The following RANBP2 variants were observed in gnomAD, a reference collection of about 807,000 sequenced individuals.
RANBP2 encodes the protein E3 SUMO-protein ligase RanBP2.
In RANBP2, 57 loss-of-function variants were observed where a neutral mutation model predicts 303.6. That is an observed-to-expected ratio of 0.19 (90% CI 0.15 to 0.23). RANBP2 has a LOEUF of 0.23. Among genes scored for constraint, RANBP2 ranks in the 10% least tolerant of loss-of-function variants. The pLI is 1.00. For missense variants in RANBP2, 3,138 were observed against 3,780.8 expected (o/e 0.83, Z 4.46); for synonymous variants, 1,167 against 1,301.5 (o/e 0.90, Z 2.23).
chr2:109,279,138 A>G, the RANBP2 span, among the ~76,000 whole-genome samples: 5 of 152,090 alleles, frequency 3.3e-5, no homozygotes, highest in African/African-American at 1.2e-4. Flanking sequence ...CATCCATGGG[A>G]TATTGAGTAG....
At chr2:108,890,025 C>T in the RANBP2 span, among the ~76,000 whole-genome samples, 23 of 151,934 alleles carry the variant, frequency 1.5e-4, no homozygotes, top group African/African-American at 2.2e-4. Flanking sequence ...TTGTGGGAGT[C>T]GTCTAGTGGT....
At chr2:109,116,961 C>T in the RANBP2 span, among the ~76,000 whole-genome samples, 41 of 152,206 alleles carry the variant, frequency 2.7e-4, no homozygotes, top group African/African-American at 8.7e-4. Context: ...TCATGAACCT[C>T]GAATGCTGCT....
the RANBP2 span, among the ~76,000 whole-genome samples, chr2:109,106,922 G>A: frequency 1.3e-5 from 2 of 148,820 alleles, no homozygotes; most frequent in African/African-American, 5.0e-5. Context: ...CTAAAGTTTT[G>A]TGGGCCTTCT....
At chr2:108,787,025 C>G, downstream of RANBP2, 1 of 590,538 alleles carries the variant, frequency 1.7e-6, no homozygotes, top group South Asian at 7.4e-5. Flanking sequence ...GTCCCGGCCC[C>G]GGCACTCCCG....
chr2:109,148,992 T>G, the RANBP2 span, among the ~76,000 whole-genome samples: 2 of 152,250 alleles, frequency 1.3e-5, no homozygotes, highest in African/African-American at 4.8e-5. Flanking sequence ...TTTCCCTGTT[T>G]GCACTTCTGG....
chr2:109,169,523 T>G, the RANBP2 span, among the ~76,000 whole-genome samples: 1 of 152,042 alleles, frequency 6.6e-6, no homozygotes, highest in East Asian at 1.9e-4. Flanking sequence ...TGGTCATGGG[T>G]CCATTTTCAT....
At chr2:108,849,715 G>C in the RANBP2 span, among the ~76,000 whole-genome samples, 9,394 of 152,304 alleles carry the variant, frequency 0.062, 357 homozygotes, top group South Asian at 0.15. Context: ...ACAAGGAAGA[G>C]ATACAAGAGT....
the RANBP2 span, among the ~76,000 whole-genome samples, chr2:109,341,303 G>A: frequency 5.9e-5 from 9 of 152,112 alleles, no homozygotes; most frequent in East Asian, 1.9e-4. Context: ...TCTTCATCGC[G>A]GATTAAATCT....
chr2:109,592,508 G>A, the RANBP2 span, among the ~76,000 whole-genome samples: 3 of 150,802 alleles, frequency 2.0e-5, no homozygotes, highest in Non-Finnish European at 3.0e-5. Context: ...AAATAGGGCT[G>A]GGCGCAGTGG....
the RANBP2 span, among the ~76,000 whole-genome samples, chr2:109,243,198 A>G: frequency 0.017 from 2,516 of 152,356 alleles, 31 homozygotes; most frequent in Non-Finnish European, 0.026. Context: ...AGGTCTGAGC[A>G]GTAGCTGAGA....
At chr2:109,432,687 T>C in the RANBP2 span, 3 of 1,605,014 alleles carry the variant, frequency 1.9e-6, no homozygotes, top group Non-Finnish European at 2.6e-6. Context: ...GGCATGGTGG[T>C]GGCAGCCTGG....
chr2:109,296,073 C>A, the RANBP2 span, among the ~76,000 whole-genome samples: 1 of 152,122 alleles, frequency 6.6e-6, no homozygotes, highest in African/African-American at 2.4e-5. Context: ...CTTCCCTGCC[C>A]CAGCCAGGTT....
chr2:109,454,107 T>C, the RANBP2 span, among the ~76,000 whole-genome samples: 1 of 152,212 alleles, frequency 6.6e-6, no homozygotes, highest in African/African-American at 2.4e-5. Flanking sequence ...TTACATTACA[T>C]GGTGAGATAA....
At chr2:108,787,943 T>C (rs1679184392), downstream of RANBP2, 2 of 1,108,492 alleles carry the variant, frequency 1.8e-6, no homozygotes, top group East Asian at 5.7e-5. Flanking sequence ...CTCTAACCTT[T>C]GTAATTAATA....
the RANBP2 span, among the ~76,000 whole-genome samples, chr2:109,430,005 G>A: frequency 6.6e-6 from 1 of 152,204 alleles, no homozygotes; most frequent in African/African-American, 2.4e-5. Context: ...TGAGCCCCTA[G>A]CTCTGCACCT....
the RANBP2 span, among the ~76,000 whole-genome samples, chr2:109,253,102 A>G: frequency 6.6e-6 from 1 of 151,930 alleles, no homozygotes; most frequent in Non-Finnish European, 1.5e-5. Flanking sequence ...ATCTCAGGTC[A>G]CTGCAACCTC....
At chr2:109,065,068 G>C in the RANBP2 span, among the ~76,000 whole-genome samples, 4 of 152,146 alleles carry the variant, frequency 2.6e-5, no homozygotes, top group African/African-American at 9.7e-5. Flanking sequence ...TTAGGTTCAG[G>C]AGTCCTGGCT....
chr2:109,352,340 G>T, the RANBP2 span, among the ~76,000 whole-genome samples: 8 of 152,182 alleles, frequency 5.3e-5, no homozygotes, highest in African/African-American at 1.9e-4. Context: ...ATGAGAACTT[G>T]CAGGACTGGT....
chr2:109,173,811 G>A, the RANBP2 span, among the ~76,000 whole-genome samples: 1 of 152,238 alleles, frequency 6.6e-6, no homozygotes, highest in African/African-American at 2.4e-5. Context: ...AAAGGCATGC[G>A]ATGGGGCTGG....
Sources: allele counts gnomAD v4.1 joint callset (sites outside exome capture counted in the v4.1 genomes callset), GRCh38; gene constraint gnomAD v4.1.1; transcripts MANE v1.5; gene names NCBI Gene and HGNC (gene_info 2026-07-23, HGNC 2026-07-21).